DAB2IP: variants seen among roughly 807,000 people sequenced by gnomAD.
DAB2IP encodes disabled homolog 2-interacting protein.
Under a neutral mutation model 107.2 loss-of-function variants are expected in DAB2IP, and 28 were observed. The observed-to-expected ratio is 0.26, with a 90% CI of 0.19 to 0.36. DAB2IP has a LOEUF of 0.36. Among genes scored for constraint, DAB2IP ranks in the 10% least tolerant of loss-of-function variants. The pLI is 1.00. For missense variants in DAB2IP, 1,400 were observed against 1,644.7 expected (o/e 0.85, Z 2.57); for synonymous variants, 755 against 706.4 (o/e 1.07, Z -1.09).
At chr9:121,590,122 C>T (rs527925906) in intron 1 of DAB2IP, among the ~76,000 whole-genome samples, 1 of 151,980 alleles carries the variant, frequency 6.6e-6, no homozygotes, top group South Asian at 2.1e-4. Context: ...CCTGGTCCTT[C>T]CTCCATGCAT....
intron 1 of DAB2IP, among the ~76,000 whole-genome samples, chr9:121,674,200 C>T (rs1253888994): frequency 6.6e-6 from 1 of 152,332 alleles, no homozygotes; most frequent in Non-Finnish European, 1.5e-5. Context: ...GCCCAGATGA[C>T]TCTCCCTCCT....
chr9:121,612,229 G>A (rs997208360), intron 1 of DAB2IP, among the ~76,000 whole-genome samples: 26 of 152,130 alleles, frequency 1.7e-4, no homozygotes, highest in African/African-American at 6.0e-4. Context: ...GAGGTGGGAG[G>A]ATCGCTTAAG....
chr9:121,650,812 T>C (rs1225589563), upstream of DAB2IP, among the ~76,000 whole-genome samples: 2 of 152,162 alleles, frequency 1.3e-5, no homozygotes, highest in Non-Finnish European at 1.5e-5. Context: ...AGGCAGTCCC[T>C]GCTGGCAGCA....
chr9:121,741,138 C>A (rs1227278812), intron 3 of DAB2IP, among the ~76,000 whole-genome samples: 1 of 152,202 alleles, frequency 6.6e-6, no homozygotes, highest in Non-Finnish European at 1.5e-5. Context: ...ACCCCCTCCT[C>A]TCCCCACATG....
chr9:121,641,239 G>C (rs1159433595), intron 1 of DAB2IP, among the ~76,000 whole-genome samples: 1 of 152,198 alleles, frequency 6.6e-6, no homozygotes, highest in East Asian at 1.9e-4. Context: ...CCCAGGATGG[G>C]GGCAGAGCTG....
chr9:121,749,929 G>A (rs927271550), intron 3 of DAB2IP, among the ~76,000 whole-genome samples: 3 of 152,172 alleles, frequency 2.0e-5, no homozygotes, highest in South Asian at 2.1e-4. Flanking sequence ...TGATAGCAGC[G>A]TGTGCATCGT....
chr9:121,569,195 C>T (rs1052166797), intron 1 of DAB2IP, among the ~76,000 whole-genome samples: 1 of 152,226 alleles, frequency 6.6e-6, no homozygotes, highest in African/African-American at 2.4e-5. Flanking sequence ...AGGAAAACTG[C>T]GGTCTCAGTG....
Position 121,626,288 on chromosome 9 carries a change from C to T in DAB2IP, c.41-52390C>T, listed in dbSNP as rs373936196. ...ATATATTCAGGACACAGACTGTCCT[C>T]AGAGAGCCTGTGTTTCCGGGGGTGA... On this transcript the variant is annotated intron_variant, in intron 1 of 16. Transcript: ENST00000259371. Among the ~76,000 whole-genome samples, 18 of 151,992 alleles carry T rather than the reference C, an allele frequency of 1.2e-4. 1 individual carries two copies. Among genetic ancestry groups the T allele is most frequent in the South Asian group, 6.2e-4 (3 of 4,802 alleles).
intron 8 of DAB2IP, among the ~76,000 whole-genome samples, chr9:121,764,187 C>T (rs897966044): frequency 6.6e-6 from 1 of 152,186 alleles, no homozygotes. Flanking sequence ...CTGTGTGGGC[C>T]CCCACTTGGG....
rs529991056 is a variant in DAB2IP, at chr9:121,641,861, TTTTC to T, written c.41-36803_41-36800del. ...TTCTTTCTTTCTTTTTCTTTCTTTC[TTTTC>T]TTTCTTTCTTTCTGTCCATTTCTTT... On this transcript the variant is annotated intron_variant, in intron 1 of 16. Transcript: ENST00000259371. Among the ~76,000 whole-genome samples the T allele has an allele frequency of 1.8e-3, 263 of 142,914 alleles. 1 individual carries two copies. Among genetic ancestry groups the T allele is most frequent in the South Asian group, 0.013 (54 of 4,286 alleles). 93.8% of individuals were successfully genotyped at this position (142,914 alleles called of 152,430 possible).
intron 3 of DAB2IP, among the ~76,000 whole-genome samples, chr9:121,749,204 G>C (rs977029475): frequency 6.6e-6 from 1 of 152,394 alleles, no homozygotes; most frequent in African/African-American, 2.4e-5. Flanking sequence ...CAGGCCAGCG[G>C]GGCAAGGCTG....
chr9:121,674,410 C>G (rs1407193906), intron 1 of DAB2IP, among the ~76,000 whole-genome samples: 1 of 152,148 alleles, frequency 6.6e-6, no homozygotes, highest in Non-Finnish European at 1.5e-5. Flanking sequence ...GTATGGAGTG[C>G]AGGCCTTGCC....
At chr9:121,606,695 C>T (rs1308529996) in intron 1 of DAB2IP, among the ~76,000 whole-genome samples, 6 of 151,962 alleles carry the variant, frequency 3.9e-5, no homozygotes, top group Non-Finnish European at 8.8e-5. Flanking sequence ...TCCCTGTTAC[C>T]ATCATTGGAT....
chr9:121,764,471 G>A (rs1041202242), intron 8 of DAB2IP, among the ~76,000 whole-genome samples: 1 of 152,252 alleles, frequency 6.6e-6, no homozygotes, highest in Non-Finnish European at 1.5e-5. Context: ...GGAGAAACTT[G>A]CGGTAAGGCC....
intron 1 of DAB2IP, among the ~76,000 whole-genome samples, chr9:121,573,264 G>A (rs372200039): frequency 1.3e-5 from 2 of 151,786 alleles, no homozygotes; most frequent in Non-Finnish European, 2.9e-5. Flanking sequence ...TTTGGTAGAG[G>A]CGGGGTTTCG....
intron 10 of DAB2IP, among the ~76,000 whole-genome samples, 176 bp downstream of exon 10, chr9:121,768,809 A>G (rs1406559602): frequency 2.6e-5 from 4 of 152,308 alleles, no homozygotes; most frequent in South Asian, 2.1e-4. Flanking sequence ...GGCAAATGCT[A>G]TGTTCACTCA....
rs537646334 is a variant in DAB2IP at position 121,601,914 on chromosome 9, G to A, written c.40+34686G>A. Among the ~76,000 whole-genome samples the A allele has an allele frequency of 9.9e-5, 15 of 152,034 alleles. No homozygotes were observed. In the South Asian group the frequency reaches 1.7e-3, roughly 17 times the overall value. On this transcript the variant is annotated intron_variant, in intron 1 of 16. Transcript: ENST00000259371. ...TGTGTGTGTGTGTGTGTGCGCGTGCGTGTGTGCTCCTGGGACTGGTGTGTG... is the reference window on the plus strand; with the variant it reads ...TGTGTGTGTGTGTGTGTGCGCGTGCATGTGTGCTCCTGGGACTGGTGTGTG...
intron 1 of DAB2IP, among the ~76,000 whole-genome samples, chr9:121,594,134 C>T (rs1234354323): frequency 6.6e-6 from 1 of 152,024 alleles, no homozygotes; most frequent in Admixed American, 6.5e-5. Context: ...AATCTCTAGT[C>T]AATGTTGGCT....
intron 1 of DAB2IP, among the ~76,000 whole-genome samples, chr9:121,645,988 C>A: frequency 6.6e-6 from 1 of 152,118 alleles, no homozygotes; most frequent in East Asian, 1.9e-4. Context: ...CACACGGTGA[C>A]CCCCTCTTAG....
Sources: gnomAD v4.1 joint callset for allele counts (sites outside exome capture counted in the v4.1 genomes callset) on GRCh38, gnomAD v4.1.1 for gene constraint, MANE v1.5 for transcripts, NCBI Gene and HGNC (gene_info 2026-07-23, HGNC 2026-07-21) for gene names.